INPP4B: variants seen among roughly 807,000 people sequenced by gnomAD.
INPP4B encodes the protein inositol polyphosphate-4-phosphatase type II B.
Under a neutral mutation model 122.5 loss-of-function variants are expected in INPP4B, and 55 were observed. The observed-to-expected ratio is 0.45, with a 90% CI of 0.36 to 0.56. The LOEUF (loss-of-function observed/expected upper bound fraction) is 0.56, where lower values mean the gene tolerates loss of function less well. Ranked by LOEUF, INPP4B falls within the 20% of genes least tolerant of loss-of-function variation. The pLI, the probability that INPP4B is intolerant of heterozygous loss-of-function variation, is 0.00. For missense variants in INPP4B, 1,000 were observed against 1,097.7 expected, an observed-to-expected ratio of 0.91 and a Z score of 1.26; for synonymous variants, 403 against 388.7, an observed-to-expected ratio of 1.04 and a Z score of -0.43.
chr4:142,631,768 C>T (rs767098325), intron 2 of INPP4B, among the ~76,000 whole-genome samples: 21 of 152,178 alleles, frequency 1.4e-4, no homozygotes, highest in Non-Finnish European at 2.2e-4. Context: ...AAGCTGAACA[C>T]GTAAAATATT....
intron 25 of INPP4B, chr4:142,029,132 T>A (rs954606444): frequency 2.4e-6 from 3 of 1,253,976 alleles, no homozygotes; most frequent in Non-Finnish European, 3.0e-6. Context: ...TTAAGTCTCT[T>A]TACTCTTAAC....
At chr4:142,139,476 T>A (rs1243344182) in intron 18 of INPP4B, among the ~76,000 whole-genome samples, 6 of 152,052 alleles carry the variant, frequency 3.9e-5, no homozygotes, top group South Asian at 4.2e-4. Context: ...TCAGTTAATT[T>A]TTGTATTTTT....
At chr4:142,627,047 C>T (rs1436731415) in intron 2 of INPP4B, among the ~76,000 whole-genome samples, 1 of 151,972 alleles carries the variant, frequency 6.6e-6, no homozygotes, top group African/African-American at 2.4e-5. Flanking sequence ...TACATAGTCT[C>T]CTACTACAAG....
At chr4:142,181,983 C>T (rs1486688665) in intron 15 of INPP4B, among the ~76,000 whole-genome samples, 1 of 152,190 alleles carries the variant, frequency 6.6e-6, no homozygotes, top group Non-Finnish European at 1.5e-5. Flanking sequence ...AGACCAACTA[C>T]ATTTTATTTC....
intron 2 of INPP4B, among the ~76,000 whole-genome samples, chr4:142,660,317 T>C (rs2150581376): frequency 6.6e-6 from 1 of 152,222 alleles, no homozygotes; most frequent in South Asian, 2.1e-4. Context: ...TACCCCTGGG[T>C]ATCTGCTAGG....
intron 7 of INPP4B, among the ~76,000 whole-genome samples, chr4:142,386,917 C>T (rs555575651): frequency 6.6e-6 from 1 of 152,226 alleles, no homozygotes; most frequent in African/African-American, 2.4e-5. Context: ...CCTTCTGGAC[C>T]CACTTGTATC....
intron 12 of INPP4B, among the ~76,000 whole-genome samples, chr4:142,214,280 T>C (rs1257976210): frequency 1.3e-5 from 2 of 152,146 alleles, no homozygotes; most frequent in African/African-American, 4.8e-5. Context: ...TACTGACACT[T>C]TCCTATTTGC....
chr4:142,064,295 G>A (rs1762418666), intron 25 of INPP4B, among the ~76,000 whole-genome samples: 1 of 152,146 alleles, frequency 6.6e-6, no homozygotes, highest in Admixed American at 6.5e-5. Context: ...CAATAAAATT[G>A]TATGTATGTA....
chr4:142,033,119 T>C (rs1741435146), intron 25 of INPP4B, among the ~76,000 whole-genome samples: 1 of 152,146 alleles, frequency 6.6e-6, no homozygotes, highest in African/African-American at 2.4e-5. Context: ...CTGAGGGCCA[T>C]GTGGGTCTCC....
chr4:142,456,720 G>A (rs79558722), intron 3 of INPP4B, among the ~76,000 whole-genome samples: 5,503 of 152,020 alleles, frequency 0.036, 222 homozygotes, highest in African/African-American at 0.08. Context: ...GAGATACTGC[G>A]CTCATGGATT....
At chr4:142,646,467 C>T (rs1751797228) in intron 2 of INPP4B, among the ~76,000 whole-genome samples, 1 of 152,158 alleles carries the variant, frequency 6.6e-6, no homozygotes, top group Non-Finnish European at 1.5e-5. Context: ...GAAACACCTT[C>T]CAATGCCATG....
intron 2 of INPP4B, among the ~76,000 whole-genome samples, chr4:142,577,814 G>A (rs777496175): frequency 2.0e-5 from 3 of 151,904 alleles, no homozygotes; most frequent in Non-Finnish European, 4.4e-5. Context: ...GTTGGTCAGC[G>A]GATGCCCTCA....
At chr4:142,772,152 T>C (rs1013727353) in intron 1 of INPP4B, among the ~76,000 whole-genome samples, 2 of 152,108 alleles carry the variant, frequency 1.3e-5, no homozygotes, top group African/African-American at 4.8e-5. Context: ...TTGTGAGTCA[T>C]CAGGGAATAG....
rs149435949 is a variant in INPP4B, at chr4:142,290,132, A to G, written c.503+15326T>C. ...ACTCAGAGTAAAGGATGAAATGGGC[A>G]CAGTGGCTTTCATTTCTATACCACC... On this transcript the variant is annotated intron_variant, in intron 9 of 25. Coordinates refer to ENST00000262992, the MANE Select transcript of INPP4B (RefSeq NM_001101669.3). Among the ~76,000 whole-genome samples, 901 of 150,322 alleles carry G rather than the reference A, an allele frequency of 6.0e-3. 4 individuals are homozygous for G. Among genetic ancestry groups the G allele is most frequent in the Middle Eastern group, 0.017 (5 of 286 alleles).
chr4:142,208,915 T>C lies in INPP4B; in HGVS notation c.948A>G (p.Thr316=). ...CCACACCTGTTTCCTTGCTAAGTTC[T>C]GTCAGAATGTCTTGGTACATATTCA... ...QMVNMYQDIL[T]ELSKETGSSF... The change falls in exon 13 of 26, where the codon ACA becomes ACG. Residue 316 remains threonine (T), a synonymous_variant. Coordinates refer to ENST00000262992, the MANE Select transcript of INPP4B (RefSeq NM_001101669.3). The C allele has an allele frequency of 6.4e-7, 1 of 1,573,116 alleles. No individual in the cohort carries two copies. The highest frequency in any genetic ancestry group is 8.6e-7 in the Non-Finnish European group (1 of 1,156,828).
rs900544107 is a variant in INPP4B at position 142,036,195 on chromosome 4, G to A, written c.2643-7281C>T. On this transcript the variant is annotated intron_variant, in intron 25 of 25. Coordinates refer to ENST00000262992, the MANE Select transcript of INPP4B (RefSeq NM_001101669.3). ...CCTGTGTATTGTGGTTGCTATTATC[G>A]TTAATATTATCCTAGCACTACCTCC... is the stretch of plus-strand genomic sequence containing the variant. Among the ~76,000 whole-genome samples, 5 of 152,122 alleles carry A rather than the reference G, an allele frequency of 3.3e-5. No homozygotes were observed. The East Asian group carries it at 5.8e-4, about 18-fold the overall frequency.
intron 10 of INPP4B, among the ~76,000 whole-genome samples, chr4:142,269,224 A>G (rs1365994394): frequency 3.3e-5 from 5 of 152,174 alleles, no homozygotes; most frequent in Non-Finnish European, 5.9e-5. Flanking sequence ...CCTTTCACAT[A>G]TAAAATGTAG....
At position 142,467,250 on chromosome 4, in the gene INPP4B, C is replaced by T. The variant is rs557533128; in HGVS notation, c.-190-4524G>A. Among the ~76,000 whole-genome samples, 15 of 152,350 alleles carry T rather than the reference C, an allele frequency of 9.8e-5. No individual in the cohort carries two copies. In the East Asian group the frequency reaches 2.9e-3, roughly 29 times the overall value. On this transcript the variant is annotated intron_variant, in intron 2 of 25. Coordinates refer to ENST00000262992, the MANE Select transcript of INPP4B (RefSeq NM_001101669.3). Reference sequence around the variant, plus strand: ...CTTAAGCGTGAAAAAGCTGCAAGCACTCAATTCTAGCCTAGGAGAGCAGCC... The same window carrying T: ...CTTAAGCGTGAAAAAGCTGCAAGCATTCAATTCTAGCCTAGGAGAGCAGCC...
intron 11 of INPP4B, among the ~76,000 whole-genome samples, chr4:142,254,756 T>C (rs894184666): frequency 1.3e-5 from 2 of 152,016 alleles, no homozygotes; most frequent in African/African-American, 4.8e-5. Flanking sequence ...ACGAGGAGAA[T>C]GGAACCAAGG....
Sources: gnomAD v4.1 joint callset for allele counts (sites outside exome capture counted in the v4.1 genomes callset) on GRCh38, gnomAD v4.1.1 for gene constraint, MANE v1.5 for transcripts, NCBI Gene and HGNC (gene_info 2026-07-23, HGNC 2026-07-21) for gene names.